Variants in TBC1D22A observed in about 807,000 individuals in gnomAD.
The protein encoded by TBC1D22A is TBC1 domain family member 22A.
In TBC1D22A, 38 loss-of-function variants were observed where a neutral mutation model predicts 60.2. That is an observed-to-expected ratio of 0.63 (90% CI 0.49 to 0.83). The LOEUF is 0.83. TBC1D22A is among the 40% of genes least tolerant of loss of function. The pLI is 0.00. For missense variants in TBC1D22A, 628 were observed against 701.0 expected, an observed-to-expected ratio of 0.90 and a Z score of 1.18; for synonymous variants, 302 against 281.7, an observed-to-expected ratio of 1.07 and a Z score of -0.72.
chr22:47,159,990 C>G (rs1342955639), intron 12 of TBC1D22A, among the ~76,000 whole-genome samples: 2 of 152,036 alleles, frequency 1.3e-5, no homozygotes, highest in Non-Finnish European at 2.9e-5. Flanking sequence ...CTCACACACA[C>G]CCCACACACA....
At chr22:47,137,664 C>A (rs1299977359) in intron 12 of TBC1D22A, among the ~76,000 whole-genome samples, 1 of 152,254 alleles carries the variant, frequency 6.6e-6, no homozygotes, top group Non-Finnish European at 1.5e-5. Flanking sequence ...CCACACTGGG[C>A]TACACCCAAG....
intron 10 of TBC1D22A, among the ~76,000 whole-genome samples, chr22:47,036,441 G>A (rs1039058077): frequency 6.6e-6 from 1 of 152,200 alleles, no homozygotes; most frequent in South Asian, 2.1e-4. Flanking sequence ...TTGATGAGAG[G>A]GGAGCGCATG....
Position 47,041,549 on chromosome 22 carries a change from CT to C in TBC1D22A, c.1329+4354del, listed in dbSNP as rs912906319. Among the ~76,000 whole-genome samples the C allele has an allele frequency of 2.6e-5, 4 of 152,312 alleles. No homozygotes were observed. The East Asian group carries it at 7.7e-4, about 29-fold the overall frequency. On this transcript the variant is annotated intron_variant, in intron 11 of 12. Transcript: ENST00000337137. ...ACTGGTCACCAAACAGATCTGGGTC[CT>C]TTAAGGAAAAGGTTTATTTGAGTAT...
intron 12 of TBC1D22A, among the ~76,000 whole-genome samples, chr22:47,130,291 C>T (rs1255607550): frequency 6.6e-6 from 1 of 152,192 alleles, no homozygotes; most frequent in South Asian, 2.1e-4. Context: ...CCCATCCCTT[C>T]TAGGCCCCTC....
intron 8 of TBC1D22A, among the ~76,000 whole-genome samples, chr22:46,969,543 G>A (rs1344111806): frequency 6.6e-6 from 1 of 152,250 alleles, no homozygotes; most frequent in Non-Finnish European, 1.5e-5. Flanking sequence ...GGTCTAAGAA[G>A]GCAAGCGAGA....
At chr22:46,796,174 G>C (rs141181775) in intron 3 of TBC1D22A, among the ~76,000 whole-genome samples, 2,001 of 152,248 alleles carry the variant, frequency 0.013, 47 homozygotes, top group African/African-American at 0.045. Context: ...AGTGGGCAGC[G>C]GGGATGGGGG....
At chr22:46,797,423 C>T (rs762158784) in intron 3 of TBC1D22A, 21 bp from the exon 4 acceptor site, 3 of 1,611,740 alleles carry the variant, frequency 1.9e-6, no homozygotes, top group Middle Eastern at 2.2e-4. Flanking sequence ...CACCCTCACC[C>T]CCATTCTCTC....
chr22:46,796,818 C>T (rs1486329435), intron 3 of TBC1D22A, among the ~76,000 whole-genome samples: 1 of 152,176 alleles, frequency 6.6e-6, no homozygotes, highest in Non-Finnish European at 1.5e-5. Context: ...GGTGCCATCC[C>T]TCACCTGTCT....
At chr22:47,097,653 T>C (rs975819734) in intron 11 of TBC1D22A, among the ~76,000 whole-genome samples, 1 of 152,100 alleles carries the variant, frequency 6.6e-6, no homozygotes, top group East Asian at 1.9e-4. Context: ...ATTGAACATA[T>C]CAATTAAAAG....
intron 12 of TBC1D22A, among the ~76,000 whole-genome samples, chr22:47,115,192 G>A (rs931533583): frequency 1.6e-4 from 10 of 61,160 alleles, no homozygotes; most frequent in Non-Finnish European, 2.1e-4. Context: ...TGCTTCTCTG[G>A]AGGATTGCCA....
At position 47,158,523 on chromosome 22, in the gene TBC1D22A, C is replaced by T. The variant is rs549167452; in HGVS notation, c.1426-14975C>T. ...ATACCCAGCCCCGACAGGTTCTTCA[C>T]ACATGGATCACGGCCCACCCTCTGC... is the stretch of plus-strand genomic sequence containing the variant. On this transcript the variant is annotated intron_variant, in intron 12 of 12. Transcript: ENST00000337137. 1.4e-4 allele frequency among the ~76,000 whole-genome samples: 21 copies of T among 152,262 alleles called. No homozygotes were observed. The East Asian group carries it at 4.1e-3, about 29-fold the overall frequency.
At chr22:46,817,433 G>A (rs1477060473) in intron 4 of TBC1D22A, among the ~76,000 whole-genome samples, 1 of 152,176 alleles carries the variant, frequency 6.6e-6, no homozygotes, top group Non-Finnish European at 1.5e-5. Context: ...GGGTGCTGGT[G>A]TGTGTTGTTC....
At chr22:46,781,548 G>T (rs2083938289) in intron 1 of TBC1D22A, among the ~76,000 whole-genome samples, 1 of 152,148 alleles carries the variant, frequency 6.6e-6, no homozygotes, top group Admixed American at 6.5e-5. Flanking sequence ...CTTACGAGTG[G>T]TGGCATTGCA....
At chr22:47,081,822 A>G (rs1045975755) in intron 11 of TBC1D22A, among the ~76,000 whole-genome samples, 1 of 151,488 alleles carries the variant, frequency 6.6e-6, no homozygotes, top group African/African-American at 2.4e-5. Context: ...ATATGGTGAG[A>G]TATACCATGT....
At chr22:47,092,553 A>G (rs780603663) in intron 11 of TBC1D22A, among the ~76,000 whole-genome samples, 1 of 152,116 alleles carries the variant, frequency 6.6e-6, no homozygotes, top group South Asian at 2.1e-4. Flanking sequence ...TGGTGTGCAC[A>G]GGGGTGAGCC....
At chr22:47,136,802 C>T (rs973087214) in intron 12 of TBC1D22A, among the ~76,000 whole-genome samples, 3 of 152,196 alleles carry the variant, frequency 2.0e-5, no homozygotes, top group Non-Finnish European at 2.9e-5. Flanking sequence ...GCCCTCAGAG[C>T]GGGAGCTGCC....
intron 12 of TBC1D22A, among the ~76,000 whole-genome samples, chr22:47,122,329 G>C (rs1000615691): frequency 6.6e-6 from 1 of 152,184 alleles, no homozygotes; most frequent in Non-Finnish European, 1.5e-5. Context: ...GCCTGTAGAT[G>C]ACATAAGGGC....
intron 12 of TBC1D22A, chr22:47,116,632 G>C (rs557193876): frequency 1.3e-5 from 2 of 152,464 alleles, no homozygotes; most frequent in African/African-American, 4.8e-5. Flanking sequence ...CCTGGGCCCT[G>C]CATCTCTGTG....
At position 47,174,500 on chromosome 22, in the gene TBC1D22A, T is replaced by C. The variant is rs2147246459; in HGVS notation, c.*874T>C. The C allele has an allele frequency of 6.6e-6, 1 of 152,376 alleles. No individual in the cohort carries two copies. The highest frequency in any genetic ancestry group is 1.5e-5 in the Non-Finnish European group (1 of 68,064). The allele number at this position is 152,376 out of a possible 1,614,324, so 9.4% of individuals were successfully genotyped here. ...CTGTCATCAAAGCCCTGAACCACAG[T>C]GCTCTTCTCACCGCAGCCTGGAAGC... On this transcript the variant is annotated 3_prime_UTR_variant, in exon 13 of 13. Transcript: ENST00000337137.
Sources: gnomAD v4.1 joint callset for allele counts (sites outside exome capture counted in the v4.1 genomes callset) on GRCh38, gnomAD v4.1.1 for gene constraint, MANE v1.5 for transcripts, NCBI Gene and HGNC (gene_info 2026-07-23, HGNC 2026-07-21) for gene names.